The following CTNNA3 variants were observed in gnomAD, a reference collection of about 807,000 sequenced individuals.
CTNNA3 encodes catenin alpha-3.
In CTNNA3, 76 loss-of-function variants were observed where a neutral mutation model predicts 95.7. The observed-to-expected ratio is 0.79, with a 90% CI of 0.66 to 0.96. The LOEUF (loss-of-function observed/expected upper bound fraction) is 0.96. Ranked by LOEUF, CTNNA3 falls within the 40% of genes least tolerant of loss-of-function variation. CTNNA3 has a pLI of 0.00. For missense variants in CTNNA3, 1,191 were observed against 1,089.8 expected (o/e 1.09, Z -1.31); for synonymous variants, 431 against 374.4 (o/e 1.15, Z -1.74).
chr10:66,907,525 C>A (rs1223803539), intron 7 of CTNNA3, among the ~76,000 whole-genome samples: 1 of 152,024 alleles, frequency 6.6e-6, no homozygotes, highest in Admixed American at 6.6e-5. Context: ...TCCTGAAATC[C>A]TTATTTTGAG....
intron 9 of CTNNA3, among the ~76,000 whole-genome samples, chr10:66,643,230 C>A (rs187607706): frequency 6.6e-6 from 1 of 152,256 alleles, no homozygotes; most frequent in Non-Finnish European, 1.5e-5. Context: ...ATCCTTTAAA[C>A]CAAATTTTAT....
At chr10:66,687,092 T>C (rs1044595641) in intron 9 of CTNNA3, among the ~76,000 whole-genome samples, 15 of 152,062 alleles carry the variant, frequency 9.9e-5, no homozygotes, top group Non-Finnish European at 7.4e-5. Flanking sequence ...TACAATGTAA[T>C]GAATATAGAA....
At chr10:66,157,242 C>T (rs764781971) in intron 13 of CTNNA3, among the ~76,000 whole-genome samples, 2 of 151,874 alleles carry the variant, frequency 1.3e-5, no homozygotes, top group Non-Finnish European at 2.9e-5. Context: ...CATTCTTATG[C>T]CTTTGCATCC....
intron 1 of CTNNA3, among the ~76,000 whole-genome samples, chr10:67,678,571 C>G (rs1840573013): frequency 6.6e-6 from 1 of 152,130 alleles, no homozygotes. Flanking sequence ...TTGAACATAT[C>G]ACCTTAGAGT....
chr10:67,005,923 T>G (rs970887517), intron 7 of CTNNA3, among the ~76,000 whole-genome samples: 1 of 151,836 alleles, frequency 6.6e-6, no homozygotes, highest in Admixed American at 6.6e-5. Context: ...TGTTCTCAGG[T>G]GACCTGCCTG....
chr10:67,111,668 A>C (rs1282896300), intron 7 of CTNNA3, among the ~76,000 whole-genome samples: 2 of 152,014 alleles, frequency 1.3e-5, no homozygotes, highest in East Asian at 3.8e-4. Context: ...CATATACTTA[A>C]TATAATATTA....
chr10:67,660,995 T>C (rs536087845), intron 1 of CTNNA3, among the ~76,000 whole-genome samples: 202 of 151,652 alleles, frequency 1.3e-3, no homozygotes, highest in African/African-American at 4.1e-3. Context: ...ACCTTTCAGA[T>C]TGGCAAATAC....
intron 3 of CTNNA3, among the ~76,000 whole-genome samples, chr10:67,563,214 G>A (rs991676778): frequency 4.6e-5 from 7 of 152,140 alleles, no homozygotes; most frequent in African/African-American, 1.4e-4. Flanking sequence ...AAAGCTGGAG[G>A]CATCACACTA....
chr10:66,363,623 A>T (rs1262860449), intron 12 of CTNNA3, among the ~76,000 whole-genome samples: 1 of 152,222 alleles, frequency 6.6e-6, no homozygotes, highest in Non-Finnish European at 1.5e-5. Context: ...AGATTACAAT[A>T]AAAAAAATTA....
intron 2 of CTNNA3, among the ~76,000 whole-genome samples, chr10:67,642,189 T>A (rs59715745): frequency 0.13 from 20,206 of 151,752 alleles, 2,420 homozygotes; most frequent in African/African-American, 0.32. Flanking sequence ...GACAAATGGG[T>A]TCTAATTAAA....
At chr10:67,359,137 T>C (rs1842915272) in intron 5 of CTNNA3, among the ~76,000 whole-genome samples, 1 of 151,580 alleles carries the variant, frequency 6.6e-6, no homozygotes, top group African/African-American at 2.4e-5. Flanking sequence ...GAGCCTTGGT[T>C]CTCTGAAAGC....
chr10:67,404,246 A>G (rs1386366389), intron 5 of CTNNA3, among the ~76,000 whole-genome samples: 2 of 152,138 alleles, frequency 1.3e-5, no homozygotes, highest in Admixed American at 1.3e-4. Flanking sequence ...GTGGATCTAA[A>G]AAATGAACTT....
chr10:66,668,422 A>ATGTGTGTGTGTGTGTGTGTGTG (rs3055580), intron 9 of CTNNA3, among the ~76,000 whole-genome samples: 1 of 146,914 alleles, frequency 6.8e-6, no homozygotes, highest in African/African-American at 2.5e-5. Flanking sequence ...CAACTCTCAT[A>ATGTGTGTGTGTGTGTGTGTGTG]TGTGTGTGTG....
intron 2 of CTNNA3, among the ~76,000 whole-genome samples, chr10:67,639,624 C>T (rs180936702): frequency 5.3e-5 from 8 of 150,806 alleles, no homozygotes; most frequent in Admixed American, 3.3e-4. Flanking sequence ...ACTGGCAAAC[C>T]GAATCCAGCA....
intron 3 of CTNNA3, among the ~76,000 whole-genome samples, chr10:67,594,982 C>G (rs1842895634): frequency 6.6e-6 from 1 of 152,110 alleles, no homozygotes; most frequent in Non-Finnish European, 1.5e-5. Flanking sequence ...ACACACAATG[C>G]TTGGTTTTCC....
intron 11 of CTNNA3, among the ~76,000 whole-genome samples, chr10:66,437,846 G>T (rs2131775681): frequency 6.6e-6 from 1 of 152,166 alleles, no homozygotes; most frequent in African/African-American, 2.4e-5. Context: ...ATCTACCTTT[G>T]GTCTTTGACG....
chr10:67,389,415 T>C (rs1375469460), intron 5 of CTNNA3, among the ~76,000 whole-genome samples: 1 of 150,888 alleles, frequency 6.6e-6, no homozygotes, highest in East Asian at 2.0e-4. Flanking sequence ...ATAAAGCAAG[T>C]CCTGAGTGAC....
chr10:66,237,416 C>T (rs527263268), intron 13 of CTNNA3, among the ~76,000 whole-genome samples: 13 of 152,138 alleles, frequency 8.5e-5, no homozygotes, highest in South Asian at 6.2e-4. Flanking sequence ...TACATGATGA[C>T]GTGTATATTT....
In CTNNA3 at chr10:67,601,745, T is replaced by C. The variant is rs777344889; in HGVS notation, c.292+5112A>G. 1.8e-3 allele frequency among the ~76,000 whole-genome samples: 267 copies of C among 152,344 alleles called. 2 individuals are homozygous for C. Among genetic ancestry groups the C allele is most frequent in the Non-Finnish European group, 3.2e-3 (218 of 68,028 alleles). The stretch of plus-strand genomic sequence containing the variant: ...ATTTAATACTTTGTCATTGTATTGG[T>C]AGTGTAGGAGTAAGCCATAAGATCA... On this transcript the variant is annotated intron_variant, in intron 3 of 17. Coordinates refer to ENST00000433211, the MANE Select transcript of CTNNA3 (RefSeq NM_013266.4).
Sources: gnomAD v4.1 joint callset for allele counts (sites outside exome capture counted in the v4.1 genomes callset) on GRCh38, gnomAD v4.1.1 for gene constraint, MANE v1.5 for transcripts, NCBI Gene and HGNC (gene_info 2026-07-23, HGNC 2026-07-21) for gene names.